SEC14L1: variants seen among roughly 807,000 people sequenced by gnomAD.
SEC14L1 encodes the protein SEC14 like lipid binding 1, also known as SEC14-like protein 1.
Under a neutral mutation model 85.3 loss-of-function variants are expected in SEC14L1, and 48 were observed. That is an observed-to-expected ratio of 0.56 (90% CI 0.45 to 0.72). SEC14L1 has a LOEUF of 0.72. SEC14L1 is among the 30% of genes least tolerant of loss of function. The probability of loss-of-function intolerance (pLI) is 0.00; values close to 1 mark genes in which losing one functional copy is unlikely to be tolerated. For synonymous variants in SEC14L1, 391 were observed against 355.5 expected, an observed-to-expected ratio of 1.10 and a Z score of -1.12; for missense variants, 682 against 921.4, an observed-to-expected ratio of 0.74 and a Z score of 3.36.
chr17:77,090,345 G>T (rs573985532), intron 2 of SEC14L1, among the ~76,000 whole-genome samples: 1 of 151,908 alleles, frequency 6.6e-6, no homozygotes, highest in East Asian at 1.9e-4. Context: ...TGAAGGAAGG[G>T]AACGTAAGAA....
intron 3 of SEC14L1, among the ~76,000 whole-genome samples, chr17:77,096,086 G>C (rs529277235): frequency 1.4e-5 from 2 of 142,474 alleles, no homozygotes; most frequent in South Asian, 4.5e-4. Flanking sequence ...AAATAGAGAT[G>C]AGGTCTCACT....
chr17:77,212,411 T>G (rs765140241), intron 15 of SEC14L1, among the ~76,000 whole-genome samples: 6 of 152,192 alleles, frequency 3.9e-5, no homozygotes, highest in Admixed American at 6.5e-5. Context: ...GGACAGAATC[T>G]GCGACTTTTC....
chr17:77,174,478 T>G (rs1974658765), intron 3 of SEC14L1, among the ~76,000 whole-genome samples: 1 of 152,244 alleles, frequency 6.6e-6, no homozygotes, highest in Non-Finnish European at 1.5e-5. Context: ...CAGGATGTCC[T>G]GACCACCAAG....
Position 77,206,174 on chromosome 17 carries a change from C to T in SEC14L1, c.1170-55C>T, listed in dbSNP as rs770830747. 35 of 1,550,358 alleles carry T rather than the reference C, an allele frequency of 2.3e-5. No homozygotes were observed. The highest frequency in any genetic ancestry group is 2.8e-5 in the Non-Finnish European group (32 of 1,135,360). ...GACCAAAAAGGAAGAAAATAAGACA[C>T]AGTTTGCTAAGTGTGCTGTCTGTTG... On this transcript the variant is annotated intron_variant, in intron 11 of 16. Coordinates refer to ENST00000436233, the MANE Select transcript of SEC14L1 (RefSeq NM_001143998.2). This position sits in a 1 kb window ranked among gnomAD's most constrained non-coding sequence, Gnocchi z 4.3.
chr17:77,120,241 C>T (rs1361906296), intron 3 of SEC14L1, among the ~76,000 whole-genome samples: 1 of 152,086 alleles, frequency 6.6e-6, no homozygotes, highest in Non-Finnish European at 1.5e-5. Flanking sequence ...AAAAGTGAAT[C>T]ATGAAGTGCC....
chr17:77,194,699 A>C lies in SEC14L1; in HGVS notation c.497A>C (p.Tyr166Ser). ...AAGGGAAAGGAAATCATCGAATACT[A>C]CCTTCGCCAATTAGAAGAAGAAGGC... is the stretch of plus-strand genomic sequence containing the variant. The part of the protein sequence containing the change: ...IKKGKEIIEY[Y>S]LRQLEEEGIT... Residue 166 changes from tyrosine to serine, a missense_variant, in exon 7 of 17, where the codon TAC becomes TCC. By Grantham distance (144) the Tyr-to-Ser change is moderately radical (BLOSUM62 -2). Coordinates refer to ENST00000436233, the MANE Select transcript of SEC14L1 (RefSeq NM_001143998.2). 1.9e-6 allele frequency: 3 copies of C among 1,614,070 alleles called. No homozygotes were observed. Among genetic ancestry groups the C allele is most frequent in the Non-Finnish European group, 2.5e-6 (3 of 1,179,882 alleles).
intron 3 of SEC14L1, among the ~76,000 whole-genome samples, chr17:77,127,425 C>T (rs1308274817): frequency 6.6e-5 from 10 of 152,312 alleles, no homozygotes; most frequent in African/African-American, 2.2e-4. Flanking sequence ...TCTCAGCTCA[C>T]TGCAACCTCG....
chr17:77,143,567 G>GT lies in SEC14L1; in HGVS notation c.-29dup. The stretch of plus-strand genomic sequence containing the variant: ...TATCACATATATTTATGTTTTGCAG[G>GT]TGTGAGAGGGTTGCTGTTGTATTGC... On this transcript the variant is annotated splice_region_variant and 5_prime_UTR_variant, in exon 3 of 17. Coordinates refer to ENST00000436233, the MANE Select transcript of SEC14L1 (RefSeq NM_001143998.2). 2 of 1,592,524 alleles carry GT rather than the reference G, an allele frequency of 1.3e-6. No homozygotes were observed. The highest frequency in any genetic ancestry group is 8.6e-7 in the Non-Finnish European group (1 of 1,161,240).
intron 3 of SEC14L1, among the ~76,000 whole-genome samples, chr17:77,096,649 G>A (rs564055192): frequency 1.2e-4 from 18 of 152,096 alleles, no homozygotes; most frequent in South Asian, 6.2e-4. Flanking sequence ...TTCTCTCTTC[G>A]TCCACTAGAG....
intron 3 of SEC14L1, among the ~76,000 whole-genome samples, chr17:77,117,964 A>G (rs1567876039): frequency 6.6e-6 from 1 of 152,234 alleles, no homozygotes; most frequent in Non-Finnish European, 1.5e-5. Flanking sequence ...TCTCGAACCT[A>G]GGACTGGGAG....
intron 3 of SEC14L1, 197 bp downstream of exon 3, chr17:77,143,856 T>TA (rs911179788): frequency 7.3e-5 from 33 of 451,810 alleles, no homozygotes; most frequent in Non-Finnish European, 1.0e-4. Flanking sequence ...ATCTGCTTAT[T>TA]AAAAAAAATG....
chr17:77,105,380 C>CCA (rs1555614084), intron 3 of SEC14L1, among the ~76,000 whole-genome samples: 11 of 109,714 alleles, frequency 1.0e-4, no homozygotes, highest in African/African-American at 3.4e-4. Context: ...ACCACCCCCC[C>CCA]CCCCACCCCA....
chr17:77,207,275 C>G (rs1001356961), intron 13 of SEC14L1, among the ~76,000 whole-genome samples: 4 of 149,702 alleles, frequency 2.7e-5, no homozygotes. Context: ...GCTCTGTCAC[C>G]CAGGCTGGAG....
chr17:77,152,020 G>A (rs1973582174), intron 3 of SEC14L1, among the ~76,000 whole-genome samples: 1 of 152,048 alleles, frequency 6.6e-6, no homozygotes, highest in East Asian at 1.9e-4. Context: ...TTGTCACCTA[G>A]GCTGGAGTGT....
At chr17:77,146,698 A>G (rs570944451) in intron 3 of SEC14L1, among the ~76,000 whole-genome samples, 1 of 151,848 alleles carries the variant, frequency 6.6e-6, no homozygotes, top group African/African-American at 2.4e-5. Context: ...GAATTGTTAG[A>G]AAAACAAACA....
At chr17:77,091,993 G>A (rs1971529747) in intron 2 of SEC14L1, among the ~76,000 whole-genome samples, 1 of 152,096 alleles carries the variant, frequency 6.6e-6, no homozygotes, top group Non-Finnish European at 1.5e-5. Context: ...TGTGTTTTTA[G>A]TAGAGACGGG....
intron 8 of SEC14L1, chr17:77,198,890 T>A (rs796070390): frequency 6.6e-6 from 1 of 152,052 alleles, no homozygotes; most frequent in Non-Finnish European, 1.5e-5. Context: ...TGTTAAATTA[T>A]GATATGCATT....
chr17:77,181,941 A>C (rs1317951319), intron 3 of SEC14L1, among the ~76,000 whole-genome samples: 1 of 151,994 alleles, frequency 6.6e-6, no homozygotes, highest in East Asian at 1.9e-4. Context: ...AAAGTTGGAC[A>C]CATTTTCTTG....
At chr17:77,163,251 CA>C (rs1363893966) in intron 3 of SEC14L1, among the ~76,000 whole-genome samples, 5 of 152,144 alleles carry the variant, frequency 3.3e-5, no homozygotes, top group African/African-American at 1.2e-4. Flanking sequence ...GTCGAGGGAC[CA>C]GGGGAGAAGA....
Sources: allele counts gnomAD v4.1 joint callset (sites outside exome capture counted in the v4.1 genomes callset), GRCh38; gene constraint gnomAD v4.1.1; non-coding constraint Gnocchi (gnomAD v3.1); transcripts MANE v1.5; gene names NCBI Gene and HGNC (gene_info 2026-07-23, HGNC 2026-07-21).